The following ASXL3 variants were observed in gnomAD, a reference collection of about 807,000 sequenced individuals.
ASXL3 encodes the protein putative Polycomb group protein ASXL3.
In ASXL3, 34 loss-of-function variants were observed where a neutral mutation model predicts 170.6. That is an observed-to-expected ratio of 0.20 (90% CI 0.15 to 0.27). The LOEUF (loss-of-function observed/expected upper bound fraction) is 0.27, where lower values mean the gene tolerates loss of function less well. Ranked by LOEUF, ASXL3 falls within the 10% of genes least tolerant of loss-of-function variation. The pLI, the probability that ASXL3 is intolerant of heterozygous loss-of-function variation, is 1.00. For missense variants in ASXL3, 2,592 were observed against 2,695.3 expected (o/e 0.96, Z 0.85); for synonymous variants, 1,002 against 989.1 (o/e 1.01, Z -0.24).
rs1444458304 is a variant in ASXL3 at position 33,744,960 on chromosome 18, A to G, written c.5112A>G (p.Gln1704=). The change falls in exon 12 of 12, where the codon CAA becomes CAG. Residue 1704 remains glutamine, a synonymous_variant. Transcript: ENST00000269197. The part of the protein sequence containing the change: ...PAAEGASSVQ[Q]TQNMKASTSS... The stretch of plus-strand genomic sequence containing the variant: ...CAGAGGGAGCCTCTAGTGTACAACA[A>G]ACACAGAACATGAAAGCTTCCACCT... 2.5e-6 allele frequency: 4 copies of G among 1,613,968 alleles called. No individual in the cohort carries two copies. The highest frequency in any genetic ancestry group is 3.4e-6 in the Non-Finnish European group (4 of 1,179,892).
At chr18:33,715,776 C>T (rs1196825743) in intron 8 of ASXL3, among the ~76,000 whole-genome samples, 3 of 151,852 alleles carry the variant, frequency 2.0e-5, no homozygotes, top group Admixed American at 6.6e-5. Context: ...GGGTACATAT[C>T]AAAAAATAAA....
intron 1 of ASXL3, among the ~76,000 whole-genome samples, chr18:33,593,210 TTC>T (rs2065093524): frequency 6.6e-6 from 1 of 151,812 alleles, no homozygotes; most frequent in Non-Finnish European, 1.5e-5. Flanking sequence ...GTAACAATAC[TTC>T]TTTCTTTCTT....
chr18:33,740,216 C>T lies in ASXL3; in HGVS notation c.2812C>T (p.His938Tyr). 1 of 1,613,828 alleles carries T rather than the reference C, an allele frequency of 6.2e-7. No individual in the cohort carries two copies. The highest frequency in any genetic ancestry group is 8.5e-7 in the Non-Finnish European group (1 of 1,179,828). ...TACACAGAGTCGGTTAGAAACCTCACATACTTCCAAGTCATCAGAGCCCTC... is the reference window on the plus strand; with the variant it reads ...TACACAGAGTCGGTTAGAAACCTCATATACTTCCAAGTCATCAGAGCCCTC... ...GSTQSRLETS[H>Y]TSKSSEPSKS... The change falls in exon 11 of 12, where the codon CAT becomes TAT. Residue 938 changes from histidine to tyrosine, a missense_variant. Physicochemically the swap from His to Tyr is moderately conservative, Grantham distance 83. This residue lies in a region of ASXL3 where 2,246 missense variants were observed against 2,219.6 expected (regional missense o/e 1.01). Transcript: ENST00000269197.
chr18:33,610,648 C>G (rs1466917779), intron 2 of ASXL3, among the ~76,000 whole-genome samples: 2 of 151,920 alleles, frequency 1.3e-5, no homozygotes, highest in Non-Finnish European at 2.9e-5. Context: ...GGCAGGGTAC[C>G]TAACACTCCT....
intron 8 of ASXL3, among the ~76,000 whole-genome samples, chr18:33,730,770 C>T (rs569280110): frequency 6.6e-6 from 1 of 152,258 alleles, no homozygotes; most frequent in South Asian, 2.1e-4. Flanking sequence ...CATACAAGTG[C>T]CCTGCACATA....
At chr18:33,593,957 T>C (rs1196714962) in intron 1 of ASXL3, among the ~76,000 whole-genome samples, 1 of 152,198 alleles carries the variant, frequency 6.6e-6, no homozygotes, top group Non-Finnish European at 1.5e-5. Flanking sequence ...ATATCCCCTA[T>C]TACTGGAACA....
intron 8 of ASXL3, among the ~76,000 whole-genome samples, chr18:33,704,704 T>C (rs910367944): frequency 2.6e-5 from 4 of 152,070 alleles, no homozygotes; most frequent in South Asian, 2.1e-4. Flanking sequence ...ATGATTTTCT[T>C]GCCTAGAGTA....
intron 9 of ASXL3, among the ~76,000 whole-genome samples, chr18:33,732,819 C>T (rs912961317): frequency 2.7e-5 from 4 of 149,544 alleles, no homozygotes; most frequent in Non-Finnish European, 4.4e-5. Context: ...ACTGATCATG[C>T]TACTGCACTC....
chr18:33,608,379 T>C (rs2065281841), intron 2 of ASXL3, among the ~76,000 whole-genome samples: 1 of 151,998 alleles, frequency 6.6e-6, no homozygotes, highest in Non-Finnish European at 1.5e-5. Flanking sequence ...TCATCTAATA[T>C]GTAGCCTTTT....
intron 8 of ASXL3, among the ~76,000 whole-genome samples, chr18:33,729,917 C>T (rs1443866706): frequency 2.0e-5 from 3 of 152,112 alleles, no homozygotes. Flanking sequence ...ACCCTTCTGT[C>T]CATCCCTTCC....
intron 5 of ASXL3, among the ~76,000 whole-genome samples, chr18:33,669,404 T>C (rs1194964374): frequency 6.6e-6 from 1 of 152,200 alleles, no homozygotes; most frequent in Non-Finnish European, 1.5e-5. Flanking sequence ...ATATGTCTTA[T>C]GTTATCATTA....
intron 2 of ASXL3, among the ~76,000 whole-genome samples, chr18:33,622,752 T>C (rs916129852): frequency 6.6e-6 from 1 of 152,128 alleles, no homozygotes; most frequent in African/African-American, 2.4e-5. Context: ...AAAGACATGC[T>C]CTGAAAGTTG....
chr18:33,685,007 A>C (rs929821216), intron 8 of ASXL3, among the ~76,000 whole-genome samples: 1 of 152,158 alleles, frequency 6.6e-6, no homozygotes, highest in African/African-American at 2.4e-5. Context: ...TTGGAAGTTG[A>C]CTTTGGAAGA....
chr18:33,745,922 C>G lies in ASXL3; in HGVS notation c.6074C>G (p.Pro2025Arg), dbSNP rs760200230. ...VHPPPPPPPP[P>R]PPPLALPPPP... ...CCGCCGCCGCCACCGCCTCCCCCTC[C>G]CCCTCCACCCTTGGCTTTGCCCCCG... Residue 2025 changes from proline to arginine, a missense_variant, in exon 12 of 12, where the codon CCC becomes CGC. Around this residue, in one of 4 missense-constraint regions of ASXL3, gnomAD observed 2,246 missense variants for 2,219.6 expected, o/e 1.01. Transcript: ENST00000269197. 8.4e-5 allele frequency: 131 copies of G among 1,553,614 alleles called. 5 individuals carry two copies. In the South Asian group the frequency reaches 1.5e-3, roughly 18 times the overall value.
intron 8 of ASXL3, among the ~76,000 whole-genome samples, chr18:33,704,543 A>T (rs2066927207): frequency 6.6e-6 from 1 of 152,096 alleles, no homozygotes; most frequent in Admixed American, 6.6e-5. Flanking sequence ...ATTGGGGATT[A>T]AAATTAATGA....
chr18:33,690,223 T>G (rs1472640192), intron 8 of ASXL3: 1 of 152,142 alleles, frequency 6.6e-6, no homozygotes. Context: ...GATCTTATAG[T>G]ATACTTTCTC....
chr18:33,666,171 T>C (rs972859403), intron 5 of ASXL3, among the ~76,000 whole-genome samples: 3 of 152,182 alleles, frequency 2.0e-5, no homozygotes, highest in Non-Finnish European at 4.4e-5. Flanking sequence ...GATTCTGATA[T>C]TGCTTCTTTC....
chr18:33,625,172 A>G (rs1258853937), intron 2 of ASXL3, among the ~76,000 whole-genome samples: 1 of 152,034 alleles, frequency 6.6e-6, no homozygotes, highest in Middle Eastern at 3.2e-3. Flanking sequence ...TTGTTTTTTT[A>G]ATAACTCTTT....
At chr18:33,607,710 C>A in intron 2 of ASXL3, 34 bp downstream of exon 2, 1 of 1,472,236 alleles carries the variant, frequency 6.8e-7, no homozygotes. Flanking sequence ...TTTCTGTTTT[C>A]ATTAAATAAT....
Sources: gnomAD v4.1 joint callset for allele counts (sites outside exome capture counted in the v4.1 genomes callset) on GRCh38, gnomAD v4.1.1 for gene constraint, gnomAD v4.1.1 regional missense constraint, MANE v1.5 for transcripts, NCBI Gene and HGNC (gene_info 2026-07-23, HGNC 2026-07-21) for gene names.